The following PYCR2 variants were observed in gnomAD, a reference collection of about 807,000 sequenced individuals.
PYCR2 encodes the protein pyrroline-5-carboxylate reductase 2, also known as P5C reductase 2.
A neutral mutation model predicts 23.4 loss-of-function variants in PYCR2; 17 were observed. The observed-to-expected ratio is 0.73, with a 90% CI of 0.50 to 1.09. PYCR2 has a LOEUF of 1.09. Ranked by LOEUF, PYCR2 falls within the 50% of genes least tolerant of loss-of-function variation. The pLI is 0.00. For synonymous variants in PYCR2, 172 were observed against 176.6 expected (o/e 0.97, Z 0.21); for missense variants, 380 against 423.5 (o/e 0.90, Z 0.90).
chr1:225,923,674 C>T, intron 2 of PYCR2, 27 bp downstream of exon 2: 3 of 1,613,792 alleles, frequency 1.9e-6, no homozygotes, highest in Non-Finnish European at 2.5e-6. Context: ...CCTCCACCCG[C>T]TTCCCACTCC....
chr1:225,921,224 AGGCC>A lies in PYCR2; in HGVS notation c.777_780del (p.Glu259AspfsTer28). On this transcript the variant is annotated frameshift_variant, in exon 6 of 7. Coordinates refer to ENST00000343818, the MANE Select transcript of PYCR2 (RefSeq NM_013328.4). LOFTEE classifies it high-confidence loss of function. The surrounding 1 kb of genome is among the most constrained non-coding windows in gnomAD (Gnocchi z 4.2). Reference sequence around the variant, plus strand: ...TGGACTCACCGTGTTCGGATACAGGAGGCCTCAACTGCATTGATGAGCAGAGAGC... The same window carrying A: ...TGGACTCACCGTGTTCGGATACAGGATCAACTGCATTGATGAGCAGAGAGC... 6.2e-7 allele frequency: 1 copy of A among 1,613,758 alleles called. No individual in the cohort carries two copies. Among genetic ancestry groups the A allele is most frequent in the Non-Finnish European group, 8.5e-7 (1 of 1,179,802 alleles).
Position 225,924,207 on chromosome 1 carries a change from G to A in PYCR2, c.-97C>T, listed in dbSNP as rs1211974821. 2 of 1,368,406 alleles carry A rather than the reference G, an allele frequency of 1.5e-6. No individual in the cohort carries two copies. The highest frequency in any genetic ancestry group is 1.9e-6 in the Non-Finnish European group (2 of 1,027,214). The allele number at this position is 1,368,406 out of a possible 1,614,324, so 84.8% of individuals were successfully genotyped here. On this transcript the variant is annotated 5_prime_UTR_variant, in exon 1 of 7. Coordinates refer to ENST00000343818, the MANE Select transcript of PYCR2 (RefSeq NM_013328.4). The stretch of plus-strand genomic sequence containing the variant: ...AGGGCGGACAGCGCAGGGGCGAACG[G>A]GCGGCGTGCCGAGGACCGGCGAGCT...
chr1:225,923,181 G>A (rs1014683102), intron 2 of PYCR2: 28 of 356,622 alleles, frequency 7.9e-5, no homozygotes, highest in Admixed American at 2.5e-4. Context: ...AGGCCAAGGC[G>A]GGCAGATCAC....
In PYCR2 at chr1:225,921,297, TC is replaced by T. The variant is rs1559067398; in HGVS notation, c.707del (p.Gly236GlufsTer10). On this transcript the variant is annotated frameshift_variant, in exon 6 of 7. Transcript: ENST00000343818. LOFTEE classifies it high-confidence loss of function. The surrounding 1 kb of genome is among the most constrained non-coding windows in gnomAD (Gnocchi z 4.2). ...QLKDNVCSPGGATIHALHFLE... is the reference protein window; with the variant it reads ...QLKDNVCSPGXATIHALHFLE... Reference sequence around the variant, plus strand: ...GAAAGTGCAGGGCGTGGATGGTGGCTCCCCCAGGGGAGCAGACATTGTCCTT... The same window carrying T: ...GAAAGTGCAGGGCGTGGATGGTGGCTCCCCAGGGGAGCAGACATTGTCCTT... 1 of 1,602,652 alleles carries T rather than the reference TC, an allele frequency of 6.2e-7. No homozygotes were observed. The highest frequency in any genetic ancestry group is 8.5e-7 in the Non-Finnish European group (1 of 1,169,712).
chr1:225,921,152 C>T lies in PYCR2; in HGVS notation c.797+56G>A, dbSNP rs1671824282. On this transcript the variant is annotated intron_variant, in intron 6 of 6. Coordinates refer to ENST00000343818, the MANE Select transcript of PYCR2 (RefSeq NM_013328.4). The surrounding 1 kb of genome is among the most constrained non-coding windows in gnomAD (Gnocchi z 4.2). ...TTCCGCAAATGGTGCTCAACCCAGC[C>T]CAGGGACCAACCAGGACTGAAGGGT... 6.5e-7 allele frequency: 1 copy of T among 1,531,390 alleles called. No individual in the cohort carries two copies. The highest frequency in any genetic ancestry group is 1.2e-5 in the South Asian group (1 of 82,776). The allele number at this position is 1,531,390 out of a possible 1,614,324, so 94.9% of individuals were successfully genotyped here.
Position 225,920,483 on chromosome 1 carries a change from C to T in PYCR2, c.935G>A (p.Ser312Asn). 5 of 1,477,984 alleles carry T rather than the reference C, an allele frequency of 3.4e-6. No individual in the cohort carries two copies. Among genetic ancestry groups the T allele is most frequent in the Non-Finnish European group, 4.6e-6 (5 of 1,082,770 alleles). 91.6% of individuals were successfully genotyped at this position (1,477,984 alleles called of 1,614,324 possible). ...PSSPGKLLTR[S>N]LALGGKKD is the part of the protein sequence containing the mutation. ...GTCCTTCTTGCCTCCCAGGGCCAGG[C>T]TTCTTGTGAGGAGCTTCCCTGGGCT... Residue 312 changes from serine to asparagine, a missense_variant, in exon 7 of 7, where the codon AGC (serine) becomes AAC (asparagine). Coordinates refer to ENST00000343818, the MANE Select transcript of PYCR2 (RefSeq NM_013328.4).
chr1:225,922,217 CTGA>C lies in PYCR2; in HGVS notation c.302_304del (p.Ile101del), dbSNP rs1671862111. On this transcript the variant is annotated inframe_deletion, in exon 3 of 7. Transcript: ENST00000343818. Reference sequence around the variant, plus strand: ...TGAGATGGGCACCTTCTCCACAGAGCTGATGGTGACACCAGCCGCACAGGAGAC... The same window carrying C: ...TGAGATGGGCACCTTCTCCACAGAGCTGGTGACACCAGCCGCACAGGAGAC... The C allele has an allele frequency of 6.2e-7, 1 of 1,613,894 alleles. No individual in the cohort carries two copies. The highest frequency in any genetic ancestry group is 1.3e-5 in the African/African-American group (1 of 75,064).
chr1:225,923,346 C>T (rs1350474915), intron 2 of PYCR2: 19 of 648,782 alleles, frequency 2.9e-5, no homozygotes, highest in Non-Finnish European at 3.2e-5. Flanking sequence ...GAGCTGAGAT[C>T]GCGCCACTGC....
At position 225,921,134 on chromosome 1, in the gene PYCR2, A is replaced by T. The variant is rs887874704; in HGVS notation, c.797+74T>A. ...GGGACCCAAGACAGCAGGTTCCGCA[A>T]ATGGTGCTCAACCCAGCCCAGGGAC... On this transcript the variant is annotated intron_variant, in intron 6 of 6. Coordinates refer to ENST00000343818, the MANE Select transcript of PYCR2 (RefSeq NM_013328.4). The surrounding 1 kb of genome is among the most constrained non-coding windows in gnomAD (Gnocchi z 4.2). The T allele has an allele frequency of 2.4e-5, 35 of 1,438,780 alleles. No individual in the cohort carries two copies. Among genetic ancestry groups the T allele is most frequent in the Non-Finnish European group, 3.1e-5 (33 of 1,055,884 alleles). The allele number at this position is 1,438,780 out of a possible 1,614,324, so 89.1% of individuals were successfully genotyped here.
intron 2 of PYCR2, chr1:225,922,671 G>C (rs958775570): frequency 4.7e-6 from 2 of 427,960 alleles, no homozygotes; most frequent in African/African-American, 4.0e-5. Context: ...CCTCTGCCAG[G>C]TAAGAAGGCC....
Position 225,924,118 on chromosome 1 carries a change from G to C in PYCR2, c.-8C>G. The C allele has an allele frequency of 6.5e-7, 1 of 1,541,540 alleles. No homozygotes were observed. Among genetic ancestry groups the C allele is most frequent in the Non-Finnish European group, 8.7e-7 (1 of 1,146,166 alleles). On this transcript the variant is annotated 5_prime_UTR_variant, in exon 1 of 7. Coordinates refer to ENST00000343818, the MANE Select transcript of PYCR2 (RefSeq NM_013328.4). ...GATGAAGCCCACGCTCATGGTCCGC[G>C]GTTCACGCCTCCTGGGAGCCGCACG...
At position 225,922,381 on chromosome 1, in the gene PYCR2, C is replaced by A; in HGVS notation, c.141G>T (p.Lys47Asn). ...TGCTGCGTGTCAGGTTCACACCCAT[C>A]TTCTGCAAGAGGAGACTCCCAGCTC... ...MNLPTVSALR[K>N]MGVNLTRSNK... The change falls in exon 3 of 7, where the codon AAG becomes AAT. Residue 47 changes from lysine to asparagine, a missense_variant and splice_region_variant. Physicochemically the swap from Lys to Asn is moderately conservative, Grantham distance 94. Transcript: ENST00000343818. 1 of 1,608,032 alleles carries A rather than the reference C, an allele frequency of 6.2e-7. No individual in the cohort carries two copies. Among genetic ancestry groups the A allele is most frequent in the East Asian group, 2.2e-5 (1 of 44,686 alleles).
At position 225,924,051 on chromosome 1, in the gene PYCR2, C is replaced by A; in HGVS notation, c.60G>T (p.Thr20=). ...QLAYALARGF[T]AAGILSAHKI... Reference sequence around the variant, plus strand: ...CCGCCTCCACGCGCTTGCCTGCGGCCGTGAAGCCCCGCGCCAGAGCATAGG... The same window carrying A: ...CCGCCTCCACGCGCTTGCCTGCGGCAGTGAAGCCCCGCGCCAGAGCATAGG... The change falls in exon 1 of 7, where the codon ACG becomes ACT. Residue 20 remains threonine (T), a synonymous_variant. Coordinates refer to ENST00000343818, the MANE Select transcript of PYCR2 (RefSeq NM_013328.4). The A allele has an allele frequency of 6.5e-7, 1 of 1,540,602 alleles. No homozygotes were observed. The highest frequency in any genetic ancestry group is 1.2e-5 in the South Asian group (1 of 84,080).
intron 6 of PYCR2, among the ~76,000 whole-genome samples, chr1:225,920,914 T>C (rs1342210350): frequency 6.6e-6 from 1 of 152,328 alleles, no homozygotes; most frequent in East Asian, 1.9e-4. Flanking sequence ...TAGAATCCTG[T>C]CTCCATCACT....
rs1331106860 is a variant in PYCR2 at position 225,924,179 on chromosome 1, G to A, written c.-69C>T. ...GCGAGGGACCGGAAGTAACGCTAGGGGAAGGGCGGACAGCGCAGGGGCGAA... is the reference window on the plus strand; with the variant it reads ...GCGAGGGACCGGAAGTAACGCTAGGAGAAGGGCGGACAGCGCAGGGGCGAA... On this transcript the variant is annotated 5_prime_UTR_variant, in exon 1 of 7. Transcript: ENST00000343818. 4 of 1,488,140 alleles carry A rather than the reference G, an allele frequency of 2.7e-6. No homozygotes were observed. The highest frequency in any genetic ancestry group is 2.7e-6 in the Non-Finnish European group (3 of 1,115,458). 92.2% of individuals were successfully genotyped at this position (1,488,140 alleles called of 1,614,324 possible).
Position 225,921,654 on chromosome 1 carries a change from C to A in PYCR2, c.541-10G>T. 1 of 1,614,108 alleles carries A rather than the reference C, an allele frequency of 6.2e-7. No individual in the cohort carries two copies. The highest frequency in any genetic ancestry group is 8.5e-7 in the Non-Finnish European group (1 of 1,179,932). On this transcript the variant is annotated splice_polypyrimidine_tract_variant and intron_variant, in intron 4 of 6. Transcript: ENST00000343818. The surrounding 1 kb of genome is among the most constrained non-coding windows in gnomAD (Gnocchi z 4.2). ...CCAGAGCCATGAATGCCTGTGGAGA[C>A]ACTCACTAAGCCCCAGGCCATAGGC...
At chr1:225,923,908 C>T in intron 1 of PYCR2, 136 bp downstream of exon 1, 4 of 1,472,530 alleles carry the variant, frequency 2.7e-6, no homozygotes, top group Non-Finnish European at 2.8e-6. Context: ...ACAGAAGACG[C>T]ACTTGCTGCT....
intron 1 of PYCR2, 53 bp from the exon 2 acceptor site, chr1:225,923,824 G>T (rs1196029561): frequency 6.2e-7 from 1 of 1,609,794 alleles, no homozygotes; most frequent in East Asian, 2.2e-5. Flanking sequence ...CCGTTACCAC[G>T]CTTTCCCTGG....
In PYCR2 at chr1:225,923,734, T is replaced by C. The variant is rs1671912750; in HGVS notation, c.105A>G (p.Pro35=). ...LSAHKIIASS[P]EMNLPTVSAL... is the part of the protein sequence containing the mutation. ...CGGACACCGTGGGCAGGTTCATTTC[T>C]GGGGAGCTGGCTATTATCTTGTGAG... The change falls in exon 2 of 7, where the codon CCA becomes CCG. Residue 35 remains proline, a synonymous_variant. Transcript: ENST00000343818. 2 of 1,614,004 alleles carry C rather than the reference T, an allele frequency of 1.2e-6. No individual in the cohort carries two copies. Among genetic ancestry groups the C allele is most frequent in the Admixed American group, 1.7e-5 (1 of 60,006 alleles).
Sources: gnomAD v4.1 joint callset for allele counts (sites outside exome capture counted in the v4.1 genomes callset) on GRCh38, gnomAD v4.1.1 for gene constraint, Gnocchi (gnomAD v3.1) non-coding constraint, MANE v1.5 for transcripts, NCBI Gene and HGNC (gene_info 2026-07-23, HGNC 2026-07-21) for gene names.